CHD1: variants seen among roughly 807,000 people sequenced by gnomAD.
CHD1 encodes the protein ATP-dependent chromatin remodeler CHD1.
A neutral mutation model predicts 224.2 loss-of-function variants in CHD1; 36 were observed. The ratio of observed to expected loss-of-function variants is 0.16; its 90% CI spans 0.12 to 0.21. CHD1 has a LOEUF of 0.21. CHD1 is among the 10% of genes least tolerant of loss of function. The pLI, the probability that CHD1 is intolerant of heterozygous loss-of-function variation, is 1.00. For missense variants in CHD1, 1,378 were observed against 1,994.8 expected, an observed-to-expected ratio of 0.69 and a Z score of 5.89; for synonymous variants, 668 against 658.3, an observed-to-expected ratio of 1.01 and a Z score of -0.23.
chr5:98,872,637 T>G, intron 26 of CHD1, 82 bp from the exon 27 acceptor site: 1 of 1,136,660 alleles, frequency 8.8e-7, no homozygotes, highest in Non-Finnish European at 1.3e-6. Flanking sequence ...ATGCTATTAC[T>G]TATGTTATTT....
Position 98,863,419 on chromosome 5 carries a change from C to T in CHD1, c.4416G>A (p.Lys1472=). The T allele has an allele frequency of 6.5e-7, 1 of 1,542,386 alleles. No individual in the cohort carries two copies. Among genetic ancestry groups the T allele is most frequent in the Non-Finnish European group, 8.7e-7 (1 of 1,143,544 alleles). ...AGTGTATCACTTACTTTCTCCATTG[C>T]TTAATTTGTTCAGGATTTGTATACT... ...LKEYTNPEQI[K]QWRKNLWIFV... is the part of the protein sequence containing the mutation. Residue 1472 remains lysine (K), a synonymous_variant, in exon 32 of 36, where the codon AAG becomes AAA. Coordinates refer to ENST00000614616, the MANE Select transcript of CHD1 (RefSeq NM_001270.4).
Position 98,892,704 on chromosome 5 carries a change from G to A in CHD1, c.2001C>T (p.Ser667=), listed in dbSNP as rs1450947369. The change falls in exon 15 of 36, where the codon TCC becomes TCT. Residue 667 remains serine, a synonymous_variant. Transcript: ENST00000614616. ...LHFIMPEKFS[S]WEDFEEEHGK... is the part of the protein sequence containing the mutation. ...CATGTTCTTCTTCAAAATCTTCCCA[G>A]GAAGAAAACCTTTAAAATTTAAGAA... 4 of 1,578,508 alleles carry A rather than the reference G, an allele frequency of 2.5e-6. No individual in the cohort carries two copies. The highest frequency in any genetic ancestry group is 1.4e-5 in the African/African-American group (1 of 73,778).
At chr5:98,915,700 T>C (rs960938071) in intron 2 of CHD1, among the ~76,000 whole-genome samples, 4 of 152,078 alleles carry the variant, frequency 2.6e-5, no homozygotes, top group Non-Finnish European at 4.4e-5. Context: ...CATAGAGAAA[T>C]TATGTTTCCA....
intron 23 of CHD1, among the ~76,000 whole-genome samples, chr5:98,877,856 T>C (rs537540442): frequency 6.6e-6 from 1 of 152,178 alleles, no homozygotes; most frequent in Non-Finnish European, 1.5e-5. Flanking sequence ...ATGTAGAAAC[T>C]TGGTAGGGGC....
intron 3 of CHD1, 143 bp downstream of exon 3, chr5:98,904,750 CATGA>C: frequency 1.4e-6 from 1 of 718,450 alleles, no homozygotes. Flanking sequence ...GGTGTACCAC[CATGA>C]ATGTGAGAAT....
In CHD1 at chr5:98,869,880, TC is replaced by T; in HGVS notation, c.3980del (p.Gly1327GlufsTer16). 6.3e-7 allele frequency: 1 copy of T among 1,585,892 alleles called. No homozygotes were observed. Among genetic ancestry groups the T allele is most frequent in the Non-Finnish European group, 8.6e-7 (1 of 1,162,458 alleles). ...CTCTTGCTTTTCTCCTCTTTGAACT[TC>T]CCTAAAAATCATTATTTTAATTTTA... ...LAKKEALSGAGSSKRRKARAK... is the reference protein window; with the variant it reads ...LAKKEALSGAXSSKRRKARAK... On this transcript the variant is annotated frameshift_variant and splice_region_variant, in exon 30 of 36. Transcript: ENST00000614616. LOFTEE classifies it high-confidence loss of function.
chr5:98,873,834 A>C, intron 25 of CHD1, 111 bp from the exon 26 acceptor site: 1 of 908,330 alleles, frequency 1.1e-6, no homozygotes, highest in South Asian at 2.1e-5. Flanking sequence ...TGCATGCTCT[A>C]TATATTCTTG....
chr5:98,874,408 T>G (rs539630552), intron 25 of CHD1, among the ~76,000 whole-genome samples: 1 of 151,900 alleles, frequency 6.6e-6, no homozygotes, highest in Non-Finnish European at 1.5e-5. Flanking sequence ...CTTAAGAAAA[T>G]ATCTCTACTT....
intron 11 of CHD1, 78 bp from the exon 12 acceptor site, chr5:98,896,520 GT>G: frequency 1.1e-6 from 1 of 942,562 alleles, no homozygotes; most frequent in South Asian, 1.5e-5. Context: ...ATGTGTATAT[GT>G]TTTTATGAAG....
At chr5:98,888,956 C>T in intron 16 of CHD1, 120 bp downstream of exon 16, 1 of 530,276 alleles carries the variant, frequency 1.9e-6, no homozygotes, top group South Asian at 4.0e-5. Context: ...TATAGAAAGG[C>T]ACCATTAACT....
chr5:98,854,546 AG>A lies in CHD1; in HGVS notation c.*1833del, dbSNP rs1355972769. On this transcript the variant is annotated 3_prime_UTR_variant, in exon 36 of 36. Coordinates refer to ENST00000614616, the MANE Select transcript of CHD1 (RefSeq NM_001270.4). ...TTACTTTTATATTTAATTATAAATT[AG>A]ATGTTTAAAAAACTGAGCTACTCCC... 2.0e-5 allele frequency: 3 copies of A among 152,120 alleles called. No homozygotes were observed. Among genetic ancestry groups the A allele is most frequent in the Non-Finnish European group, 2.9e-5 (2 of 67,962 alleles). The allele number at this position is 152,120 out of a possible 1,614,324, so 9.4% of individuals were successfully genotyped here.
intron 20 of CHD1, 48 bp downstream of exon 20, chr5:98,881,927 G>A (rs1750220770): frequency 2.0e-6 from 3 of 1,509,624 alleles, no homozygotes; most frequent in African/African-American, 2.8e-5. Flanking sequence ...TCAAAAATAT[G>A]AGTTTACTGA....
intron 2 of CHD1, among the ~76,000 whole-genome samples, chr5:98,922,071 G>T (rs529649347): frequency 6.6e-6 from 1 of 152,218 alleles, no homozygotes; most frequent in African/African-American, 2.4e-5. Flanking sequence ...AAAACTGCCA[G>T]AACACAGGAG....
Position 98,928,262 on chromosome 5 carries a change from G to A in CHD1, c.-149+277C>T, listed in dbSNP as rs373617513. ...CACCGGCTAAGTGCTAGCCATTCGC[G>A]GGTCTCCTCTCGCGGCCCGGTCGGC... On this transcript the variant is annotated intron_variant, in intron 1 of 35. Coordinates refer to ENST00000614616, the MANE Select transcript of CHD1 (RefSeq NM_001270.4). Among the ~76,000 whole-genome samples, 55 of 152,152 alleles carry A rather than the reference G, an allele frequency of 3.6e-4. No individual in the cohort carries two copies. In the East Asian group the frequency reaches 7.4e-3, roughly 20 times the overall value.
At position 98,908,903 on chromosome 5, in the gene CHD1, A is replaced by T. The variant is rs1752217167; in HGVS notation, c.54-3805T>A. Among the ~76,000 whole-genome samples the T allele has an allele frequency of 2.0e-5, 3 of 152,170 alleles. No individual in the cohort carries two copies. The South Asian group carries it at 6.2e-4, about 31-fold the overall frequency. ...TAAAATTATAGTGTTTTCTTAGGGT[A>T]AATTAAGGAGAAATACCACATTTAA... is the stretch of plus-strand genomic sequence containing the variant. On this transcript the variant is annotated intron_variant, in intron 2 of 35. Coordinates refer to ENST00000614616, the MANE Select transcript of CHD1 (RefSeq NM_001270.4).
chr5:98,907,557 C>T (rs2112562807), intron 2 of CHD1, among the ~76,000 whole-genome samples: 1 of 130,600 alleles, frequency 7.7e-6, no homozygotes, highest in African/African-American at 3.1e-5. Context: ...CATTGCACTC[C>T]AGCCTGGGCA....
At chr5:98,868,016 A>G (rs161942) in intron 31 of CHD1, among the ~76,000 whole-genome samples, 50,312 of 151,290 alleles carry the variant, frequency 0.33, 10,004 homozygotes, top group African/African-American at 0.55. Flanking sequence ...GGCCAGGTTG[A>G]TCTCAAACTC....
intron 17 of CHD1, 187 bp from the exon 18 acceptor site, chr5:98,885,836 G>A: frequency 1.8e-6 from 1 of 543,276 alleles, no homozygotes; most frequent in South Asian, 2.7e-5. Context: ...AAATCACTAA[G>A]ACTGCACCCT....
chr5:98,911,130 GAAAAAAAAAAA>G (rs11451331), intron 2 of CHD1, among the ~76,000 whole-genome samples: 2 of 44,042 alleles, frequency 4.5e-5, no homozygotes, highest in Non-Finnish European at 7.8e-5. Flanking sequence ...GTGCTAAAAT[GAAAAAAAAAAA>G]AAAAAATATA....
Sources: allele counts gnomAD v4.1 joint callset (sites outside exome capture counted in the v4.1 genomes callset), GRCh38; gene constraint gnomAD v4.1.1; transcripts MANE v1.5; gene names NCBI Gene and HGNC (gene_info 2026-07-23, HGNC 2026-07-21).